Variants in RPS3 observed in about 807,000 individuals in gnomAD.
RPS3 encodes small ribosomal subunit protein uS3.
A neutral mutation model predicts 25.8 loss-of-function variants in RPS3; 2 were observed. That is an observed-to-expected ratio of 0.08 (90% CI 0.03 to 0.24). The LOEUF (loss-of-function observed/expected upper bound fraction) is 0.24. Ranked by LOEUF, RPS3 falls within the 10% of genes least tolerant of loss-of-function variation. The pLI is 1.00. For synonymous variants in RPS3, 114 were observed against 114.2 expected, an observed-to-expected ratio of 1.00 and a Z score of 0.01; for missense variants, 107 against 307.1, an observed-to-expected ratio of 0.35 and a Z score of 4.87.
At chr11:75,421,886 T>C (rs1365949197) in exon 7 of RPS3, 1 of 152,258 alleles carries the variant, frequency 6.6e-6, no homozygotes, top group Admixed American at 6.5e-5. Flanking sequence ...AACCATCTCT[T>C]TCTAAGTGGT....
chr11:75,410,135 T>TC (rs1008178884), downstream of RPS3, among the ~76,000 whole-genome samples: 1 of 134,110 alleles, frequency 7.5e-6, no homozygotes, highest in South Asian at 2.4e-4. Flanking sequence ...CACACCTCCC[T>TC]CCCGGACGGG....
chr11:75,410,162 G>A (rs1032531688), downstream of RPS3, among the ~76,000 whole-genome samples: 3 of 151,306 alleles, frequency 2.0e-5, no homozygotes, highest in African/African-American at 4.9e-5. Context: ...GGCCGGGCGG[G>A]GGGCTGACCC....
At position 75,419,079 on chromosome 11, in the gene RPS3, G is replaced by T. The variant is rs10047443; in HGVS notation, c.*4-2648G>T. On this transcript the variant is annotated intron_variant, in intron 6 of 6. Transcript: ENST00000527446. Reference sequence around the variant, plus strand: ...TAGGGCCACTTTCCTGCCAGAGGGGGTGGGTGCCAAAGGATGTGGGTCTTT... The same window carrying T: ...TAGGGCCACTTTCCTGCCAGAGGGGTTGGGTGCCAAAGGATGTGGGTCTTT... 6.9e-3 allele frequency among the ~76,000 whole-genome samples: 1,052 copies of T among 152,282 alleles called. 12 individuals are homozygous for T. Among genetic ancestry groups the T allele is most frequent in the African/African-American group, 0.024 (986 of 41,552 alleles).
chr11:75,400,742 C>A lies in RPS3; in HGVS notation c.79C>A (p.Arg27=). Residue 27 remains arginine (R), a synonymous_variant, in exon 2 of 7, where the codon CGG becomes AGG. Coordinates refer to ENST00000531188, the MANE Select transcript of RPS3 (RefSeq NM_001005.5). Reference sequence around the variant, plus strand: ...AGCTGAACTGAATGAGTTTCTTACTCGGGAGCTGGCTGAAGATGGCTACTC... The same window carrying A: ...AGCTGAACTGAATGAGTTTCTTACTAGGGAGCTGGCTGAAGATGGCTACTC... ...FKAELNEFLT[R]ELAEDGYSGV... The A allele has an allele frequency of 1.2e-6, 2 of 1,613,100 alleles. No homozygotes were observed. The highest frequency in any genetic ancestry group is 4.5e-5 in the East Asian group (2 of 44,886).
Position 75,406,859 on chromosome 11 carries a change from T to C in RPS3, c.*1249T>C, listed in dbSNP as rs1355934813. 6.6e-6 allele frequency: 1 copy of C among 152,266 alleles called. No individual in the cohort carries two copies. The highest frequency in any genetic ancestry group is 2.4e-5 in the African/African-American group (1 of 41,470). 9.4% of individuals were successfully genotyped at this position (152,266 alleles called of 1,614,324 possible). A position where few individuals can be genotyped will look rare whatever the true frequency, so the allele number is the denominator to read the frequency against. ...TCTTGTACACTGCAGTTGTAACAGC[T>C]ATGTAGCATGTACATTAGGTATTAA... is the stretch of plus-strand genomic sequence containing the variant. On this transcript the variant is annotated 3_prime_UTR_variant, in exon 7 of 7. Coordinates refer to ENST00000531188, the MANE Select transcript of RPS3 (RefSeq NM_001005.5).
chr11:75,404,286 A>G lies in RPS3; in HGVS notation c.538+79A>G. 1 of 1,327,368 alleles carries G rather than the reference A, an allele frequency of 7.5e-7. No homozygotes were observed. The highest frequency in any genetic ancestry group is 1.1e-6 in the Non-Finnish European group (1 of 936,468). 82.2% of individuals were successfully genotyped at this position (1,327,368 alleles called of 1,614,324 possible). On this transcript the variant is annotated intron_variant, in intron 5 of 6. Transcript: ENST00000531188. The surrounding 1 kb of genome is among the most constrained non-coding windows in gnomAD (Gnocchi z 4.6). ...CACAGACATCTTAAGTATTTGGGGGAGTTTATCATGGAAGTAGCTGGGCAT... is the reference window on the plus strand; with the variant it reads ...CACAGACATCTTAAGTATTTGGGGGGGTTTATCATGGAAGTAGCTGGGCAT...
At chr11:75,400,390 C>T (rs554996530) in intron 1 of RPS3, 19 of 536,586 alleles carry the variant, frequency 3.5e-5, no homozygotes, top group Admixed American at 2.9e-4. Flanking sequence ...TGTTTTAAAC[C>T]CTTCGATGAA....
chr11:75,408,876 T>C (rs948561364), downstream of RPS3, among the ~76,000 whole-genome samples: 3 of 152,178 alleles, frequency 2.0e-5, no homozygotes, highest in South Asian at 4.1e-4. Flanking sequence ...GTAAGACAAA[T>C]GTAGAGCTCA....
At chr11:75,421,377 G>C (rs1334642508) in intron 6 of RPS3, among the ~76,000 whole-genome samples, 2 of 152,342 alleles carry the variant, frequency 1.3e-5, no homozygotes, top group Middle Eastern at 3.4e-3. Context: ...GTACAAATGA[G>C]GGGGAGCCTG....
chr11:75,418,613 G>A (rs887087956), intron 6 of RPS3, among the ~76,000 whole-genome samples: 6 of 151,944 alleles, frequency 3.9e-5, no homozygotes, highest in African/African-American at 1.2e-4. Context: ...AATTGGTCTC[G>A]AATTAAAAAA....
intron 2 of RPS3, among the ~76,000 whole-genome samples, 156 bp from the exon 3 acceptor site, chr11:75,401,484 T>A (rs1948209153): frequency 6.6e-6 from 1 of 151,838 alleles, no homozygotes; most frequent in South Asian, 2.1e-4. Context: ...AGTGAGACCC[T>A]GTCTCAAAAA....
At chr11:75,422,187 A>G (rs1301272693) in exon 7 of RPS3, 2 of 165,056 alleles carry the variant, frequency 1.2e-5, no homozygotes, top group Non-Finnish European at 2.6e-5. Flanking sequence ...AGACTCAGCA[A>G]GAAAACATTA....
In RPS3 at chr11:75,401,504, C is replaced by T. The variant is rs148071363; in HGVS notation, c.162-136C>T. ...GACCCTGTCTCAAAAAAAAAAGCTG[C>T]GTTTTAAAAATTTTAGTTTTTGTCA... is the stretch of plus-strand genomic sequence containing the variant. On this transcript the variant is annotated intron_variant, in intron 2 of 6. Transcript: ENST00000531188. 182 of 643,022 alleles carry T rather than the reference C, an allele frequency of 2.8e-4. No individual in the cohort carries two copies. In the African/African-American group the frequency reaches 3.0e-3, roughly 11 times the overall value. The allele number at this position is 643,022 out of a possible 1,614,324, so 39.8% of individuals were successfully genotyped here. A position where few individuals can be genotyped will look rare whatever the true frequency, so the allele number is the denominator to read the frequency against.
chr11:75,405,502 C>T, intron 6 of RPS3, 112 bp from the exon 7 acceptor site: 1 of 405,776 alleles, frequency 2.5e-6, no homozygotes, highest in Non-Finnish European at 4.8e-6. Flanking sequence ...CTTATGTATG[C>T]ATTTTATTAA....
At position 75,404,530 on chromosome 11, in the gene RPS3, A is replaced by G. The variant is rs1263834973; in HGVS notation, c.539-142A>G. 2.3e-6 allele frequency: 2 copies of G among 867,574 alleles called. No homozygotes were observed. Among genetic ancestry groups the G allele is most frequent in the Non-Finnish European group, 4.0e-6 (2 of 498,978 alleles). 53.7% of individuals were successfully genotyped at this position (867,574 alleles called of 1,614,324 possible). On this transcript the variant is annotated intron_variant, in intron 5 of 6. Transcript: ENST00000531188. This position sits in a 1 kb window ranked among gnomAD's most constrained non-coding sequence, Gnocchi z 4.6. ...CGAGTTCCTTTGGCAGAAGTGTCCT[A>G]TTTATTGATCGATTTAGAGGCATTT... is the stretch of plus-strand genomic sequence containing the variant.
intron 6 of RPS3, among the ~76,000 whole-genome samples, chr11:75,412,693 C>G (rs1482349797): frequency 1.3e-5 from 2 of 152,216 alleles, no homozygotes; most frequent in African/African-American, 2.4e-5. Context: ...GTTCGAGAGT[C>G]ATTTTCTTTC....
chr11:75,412,630 GT>G (rs1443105509), intron 6 of RPS3, among the ~76,000 whole-genome samples: 10 of 152,336 alleles, frequency 6.6e-5, no homozygotes, highest in Admixed American at 2.0e-4. Context: ...CTGCAGGAGA[GT>G]AGGAGGTTCA....
chr11:75,419,698 A>G (rs1291927480), intron 6 of RPS3, among the ~76,000 whole-genome samples: 1 of 152,048 alleles, frequency 6.6e-6, no homozygotes, highest in African/African-American at 2.4e-5. Context: ...TAGTGACACA[A>G]CCTAGGCTCA....
chr11:75,400,496 A>G (rs1384267823), intron 1 of RPS3, 198 bp from the exon 2 acceptor site: 1 of 756,610 alleles, frequency 1.3e-6, no homozygotes, highest in East Asian at 3.2e-5. Context: ...CCCTGGTTGA[A>G]GTAATTTCCT....
Sources: allele counts gnomAD v4.1 joint callset (sites outside exome capture counted in the v4.1 genomes callset), GRCh38; gene constraint gnomAD v4.1.1; non-coding constraint Gnocchi (gnomAD v3.1); transcripts MANE v1.5; gene names NCBI Gene and HGNC (gene_info 2026-07-23, HGNC 2026-07-21).